The following TG variants were observed in gnomAD, a reference collection of about 807,000 sequenced individuals.
TG encodes the protein thyroid hormones.
Under a neutral mutation model 324.7 loss-of-function variants are expected in TG, and 270 were observed. The ratio of observed to expected loss-of-function variants is 0.83; its 90% CI spans 0.75 to 0.92. TG has a LOEUF of 0.92. Among genes scored for constraint, TG ranks in the 40% least tolerant of loss-of-function variants. TG has a pLI of 0.00. For missense variants in TG, 3,591 were observed against 3,456.4 expected (o/e 1.04, Z -0.98); for synonymous variants, 1,401 against 1,327.0 (o/e 1.06, Z -1.21).
At chr8:133,002,244 A>G (rs1833587858) in intron 35 of TG, 1 of 985,476 alleles carries the variant, frequency 1.0e-6, no homozygotes, top group African/African-American at 1.7e-5. Flanking sequence ...AGCAAGCGGC[A>G]GACCTCTGCC....
intron 20 of TG, among the ~76,000 whole-genome samples, chr8:132,917,392 G>C (rs1280851708): frequency 1.3e-5 from 2 of 151,620 alleles, no homozygotes; most frequent in African/African-American, 4.8e-5. Context: ...ATGTATATGT[G>C]TGTGTGTGTG....
chr8:133,103,740 G>C (rs1849543557), intron 43 of TG, among the ~76,000 whole-genome samples: 1 of 152,212 alleles, frequency 6.6e-6, no homozygotes, highest in South Asian at 2.1e-4. Flanking sequence ...AAGGAGCAGT[G>C]AAGTCAGGAG....
intron 29 of TG, 92 bp from the exon 30 acceptor site, chr8:132,966,468 G>GTC: frequency 1.0e-6 from 1 of 982,686 alleles, no homozygotes; most frequent in Non-Finnish European, 1.5e-6. Flanking sequence ...CTCTCTCTCT[G>GTC]TGTGTGTGTG....
chr8:132,898,945 C>A, intron 14 of TG, 35 bp downstream of exon 14: 1 of 1,549,532 alleles, frequency 6.5e-7, no homozygotes, highest in South Asian at 1.1e-5. Context: ...GGAGCCGGGA[C>A]TTGTCCCCGC....
intron 41 of TG, chr8:133,045,054 G>A: frequency 6.2e-7 from 1 of 1,614,136 alleles, no homozygotes; most frequent in Non-Finnish European, 8.5e-7. Flanking sequence ...ACCAGTTGTT[G>A]GGCAGACGGA....
At chr8:132,869,173 G>T (rs1269647827) in intron 2 of TG, among the ~76,000 whole-genome samples, 1 of 152,106 alleles carries the variant, frequency 6.6e-6, no homozygotes, top group East Asian at 1.9e-4. Flanking sequence ...CTCTCTTCAG[G>T]AGGCTTTGCA....
At position 133,105,806 on chromosome 8, in the gene TG, G is replaced by T. The variant is rs762975047; in HGVS notation, c.7573-7616G>T. ...GAGTAGTCAGAGACAGCAGAACGAG[G>T]TTCCAGAAATTAGGCTGAGGCAGAG... is the stretch of plus-strand genomic sequence containing the variant. On this transcript the variant is annotated intron_variant, in intron 43 of 47. Coordinates refer to ENST00000220616, the MANE Select transcript of TG (RefSeq NM_003235.5). Among the ~76,000 whole-genome samples, 4 of 152,158 alleles carry T rather than the reference G, an allele frequency of 2.6e-5. No individual in the cohort carries two copies. In the South Asian group the frequency reaches 6.2e-4, roughly 24 times the overall value.
intron 41 of TG, among the ~76,000 whole-genome samples, chr8:133,068,627 G>C (rs1374562991): frequency 6.6e-6 from 1 of 152,204 alleles, no homozygotes; most frequent in Non-Finnish European, 1.5e-5. Context: ...TGCACACCCT[G>C]CAGTCTCCGT....
intron 22 of TG, among the ~76,000 whole-genome samples, chr8:132,926,669 G>A (rs1821910746): frequency 6.6e-6 from 1 of 152,182 alleles, no homozygotes; most frequent in Admixed American, 6.5e-5. Flanking sequence ...CAAGCCCTGA[G>A]ACTTAGGAAA....
chr8:132,885,651 T>C (rs577372287), intron 8 of TG, among the ~76,000 whole-genome samples: 1 of 152,224 alleles, frequency 6.6e-6, no homozygotes, highest in East Asian at 1.9e-4. Flanking sequence ...AACATTTCAT[T>C]AAATACGCAT....
chr8:132,941,060 A>G (rs1355311339), intron 25 of TG, among the ~76,000 whole-genome samples: 1 of 152,220 alleles, frequency 6.6e-6, no homozygotes, highest in Admixed American at 6.5e-5. Flanking sequence ...GTAATAATAA[A>G]CATAAAAATA....
rs3779948 is a variant in TG, at chr8:133,128,245, C to A, written c.7863-3567C>A. ...ACAGCAGGCATTCGGCAACTGTGGG[C>A]GGAGCAGGGTCTTAGTCCCAACACC... On this transcript the variant is annotated intron_variant, in intron 45 of 47. Coordinates refer to ENST00000220616, the MANE Select transcript of TG (RefSeq NM_003235.5). 1.1e-4 allele frequency among the ~76,000 whole-genome samples: 16 copies of A among 151,708 alleles called. No individual in the cohort carries two copies. The East Asian group carries it at 3.1e-3, about 30-fold the overall frequency.
At chr8:132,940,798 G>C (rs2129899178) in intron 25 of TG, among the ~76,000 whole-genome samples, 1 of 152,304 alleles carries the variant, frequency 6.6e-6, no homozygotes, top group South Asian at 2.1e-4. Context: ...AGCTGCATTT[G>C]TCTACAGAGC....
chr8:132,868,889 CA>C (rs1358675043), intron 2 of TG, among the ~76,000 whole-genome samples: 1 of 152,200 alleles, frequency 6.6e-6, no homozygotes, highest in African/African-American at 2.4e-5. Flanking sequence ...TGTGCTATTC[CA>C]GTCATGTTGA....
chr8:132,906,475 T>G (rs1818696883), intron 16 of TG, among the ~76,000 whole-genome samples: 2 of 151,990 alleles, frequency 1.3e-5, no homozygotes. Flanking sequence ...AGGTGTCTGT[T>G]AAAACTGAGA....
chr8:132,893,147 G>T (rs1816510188), intron 10 of TG, among the ~76,000 whole-genome samples: 1 of 130,420 alleles, frequency 7.7e-6, no homozygotes, highest in Non-Finnish European at 1.6e-5. Flanking sequence ...GTGTGTATTT[G>T]TGTGTATGTG....
chr8:133,030,197 G>A (rs34527875), intron 41 of TG, among the ~76,000 whole-genome samples, 174 bp downstream of exon 41: 13 of 152,202 alleles, frequency 8.5e-5, no homozygotes, highest in Non-Finnish European at 1.5e-4. Context: ...CAATGCTGAA[G>A]AGCTCTCCTG....
intron 16 of TG, among the ~76,000 whole-genome samples, chr8:132,905,642 G>A (rs1416887992): frequency 1.3e-5 from 2 of 152,080 alleles, no homozygotes; most frequent in African/African-American, 2.4e-5. Context: ...TGTGTCTGGG[G>A]CAGCTGTGTG....
rs780134554 is a variant in TG at position 132,900,229 on chromosome 8, T to A, written c.3331-8T>A. 6.2e-7 allele frequency: 1 copy of A among 1,613,392 alleles called. No individual in the cohort carries two copies. Among genetic ancestry groups the A allele is most frequent in the Admixed American group, 1.7e-5 (1 of 59,986 alleles). ...ACAGTGACTGACATGACCCCGGCTT[T>A]GTCTCAGACAGGAGAGTATGCCAGG... On this transcript the variant is annotated splice_region_variant and splice_polypyrimidine_tract_variant and intron_variant, in intron 14 of 47. Transcript: ENST00000220616.
Sources: allele counts gnomAD v4.1 joint callset (sites outside exome capture counted in the v4.1 genomes callset), GRCh38; gene constraint gnomAD v4.1.1; transcripts MANE v1.5; gene names NCBI Gene and HGNC (gene_info 2026-07-23, HGNC 2026-07-21).